CACNA2D4: variants seen among roughly 807,000 people sequenced by gnomAD.
The protein encoded by CACNA2D4 is voltage-dependent calcium channel subunit alpha-2/delta-4.
A neutral mutation model predicts 163.8 loss-of-function variants in CACNA2D4; 157 were observed. The observed-to-expected ratio is 0.96, with a 90% CI of 0.84 to 1.09. The LOEUF is 1.09. Among genes scored for constraint, CACNA2D4 ranks in the 50% least tolerant of loss-of-function variants. The pLI, the probability that CACNA2D4 is intolerant of heterozygous loss-of-function variation, is 0.00. For synonymous variants in CACNA2D4, 598 were observed against 586.9 expected (o/e 1.02, Z -0.27); for missense variants, 1,410 against 1,479.9 (o/e 0.95, Z 0.78).
Position 1,800,966 on chromosome 12 carries a change from G to A in CACNA2D4, c.2868+77C>T, listed in dbSNP as rs940895624. 33 of 1,370,794 alleles carry A rather than the reference G, an allele frequency of 2.4e-5. 1 individual carries two copies. In the East Asian group the frequency reaches 7.1e-4, roughly 29 times the overall value. 84.9% of individuals were successfully genotyped at this position (1,370,794 alleles called of 1,614,324 possible). A position where few individuals can be genotyped will look rare whatever the true frequency, so the allele number is the denominator to read the frequency against. On this transcript the variant is annotated intron_variant, in intron 31 of 37. Coordinates refer to ENST00000382722, the MANE Select transcript of CACNA2D4 (RefSeq NM_172364.5). ...GACACCCAAGGTGGGTGAGAACAGG[G>A]ACCAGTGACCTCATTCCAGGACAGG...
rs1327539949 is a variant in CACNA2D4, at chr12:1,883,250, G to A, written c.1352-250C>T. On this transcript the variant is annotated intron_variant, in intron 12 of 37. Transcript: ENST00000382722. This position sits in a 1 kb window ranked among gnomAD's most constrained non-coding sequence, Gnocchi z 4.5. ...GAGGGGCTGTCCCACCCAGAGCTCC[G>A]GAAGGAGCAGCAGGGCCTGACGCAA... 6.6e-6 allele frequency among the ~76,000 whole-genome samples: 1 copy of A among 152,190 alleles called. No homozygotes were observed. The highest frequency in any genetic ancestry group is 2.4e-5 in the African/African-American group (1 of 41,446).
chr12:1,827,211 G>A (rs1031283673), intron 26 of CACNA2D4, among the ~76,000 whole-genome samples: 14 of 152,144 alleles, frequency 9.2e-5, no homozygotes, highest in African/African-American at 2.7e-4. Context: ...CTGGCAGCCT[G>A]GGCCTCCCAT....
At position 1,909,938 on chromosome 12, in the gene CACNA2D4, C is replaced by T. The variant is rs755538838; in HGVS notation, c.454G>A (p.Asp152Asn). ...QNLVEAAEEA[D>N]LNHEFNESLV... ...GATTCATTGAATTCGTGGTTCAGGTCGGCCTCCTCGGCAGCTTCCACCAGA... is the reference window on the plus strand; with the variant it reads ...GATTCATTGAATTCGTGGTTCAGGTTGGCCTCCTCGGCAGCTTCCACCAGA... The change falls in exon 4 of 38, where the codon GAC (aspartate) becomes AAC (asparagine). Residue 152 changes from aspartate to asparagine, a missense_variant. Physicochemically the swap from Asp to Asn is conservative, Grantham distance 23. Coordinates refer to ENST00000382722, the MANE Select transcript of CACNA2D4 (RefSeq NM_172364.5). 16 of 1,613,628 alleles carry T rather than the reference C, an allele frequency of 9.9e-6. No individual in the cohort carries two copies. Among genetic ancestry groups the T allele is most frequent in the South Asian group, 2.2e-5 (2 of 91,034 alleles).
At position 1,878,314 on chromosome 12, in the gene CACNA2D4, C is replaced by G; in HGVS notation, c.1719+1G>C. On this transcript the variant is annotated splice_donor_variant, in intron 16 of 37. Coordinates refer to ENST00000382722, the MANE Select transcript of CACNA2D4 (RefSeq NM_172364.5). LOFTEE classifies it high-confidence loss of function. The surrounding 1 kb of genome is among the most constrained non-coding windows in gnomAD (Gnocchi z 4.6). Reference sequence around the variant, plus strand: ...CCAAGGCAAAGAAGATCTGTACCTACCAGGGGCCGGAGGTCGGGATGGGAG... The same window carrying G: ...CCAAGGCAAAGAAGATCTGTACCTAGCAGGGGCCGGAGGTCGGGATGGGAG... 6.2e-7 allele frequency: 1 copy of G among 1,608,072 alleles called. No homozygotes were observed. The highest frequency in any genetic ancestry group is 8.5e-7 in the Non-Finnish European group (1 of 1,177,418).
In CACNA2D4 at chr12:1,854,034, C is replaced by A. The variant is rs776592012; in HGVS notation, c.2163G>T (p.Glu721Asp). 1.2e-6 allele frequency: 2 copies of A among 1,609,828 alleles called. No homozygotes were observed. Among genetic ancestry groups the A allele is most frequent in the Non-Finnish European group, 1.7e-6 (2 of 1,177,654 alleles). ...RKDPDLECDE[E>D]LVREVLFDAV... ...CGTCAAACAGCACCTCCCGGACCAGCTCCTCGTCACCTGGGTGCAAAACAT... is the reference window on the plus strand; with the variant it reads ...CGTCAAACAGCACCTCCCGGACCAGATCCTCGTCACCTGGGTGCAAAACAT... Residue 721 changes from glutamate (E) to aspartate (D), a missense_variant, in exon 23 of 38, where the codon GAG (glutamate) becomes GAT (aspartate). Transcript: ENST00000382722.
At position 1,883,548 on chromosome 12, in the gene CACNA2D4, C is replaced by T. The variant is rs966046578; in HGVS notation, c.1352-548G>A. 1.1e-4 allele frequency among the ~76,000 whole-genome samples: 17 copies of T among 152,082 alleles called. No homozygotes were observed. The South Asian group carries it at 1.9e-3, about 17-fold the overall frequency. ...CAGAAGGCTGTGAATGGCCTCTCCA[C>T]GCCCCCACCTCCCACCGTGTTCATC... On this transcript the variant is annotated intron_variant, in intron 12 of 37. Transcript: ENST00000382722. This position sits in a 1 kb window ranked among gnomAD's most constrained non-coding sequence, Gnocchi z 4.5.
chr12:1,907,469 C>T lies in CACNA2D4; in HGVS notation c.752G>A (p.Ser251Asn). The T allele has an allele frequency of 6.2e-7, 1 of 1,613,994 alleles. No individual in the cohort carries two copies. The highest frequency in any genetic ancestry group is 1.1e-5 in the South Asian group (1 of 91,074). Reference protein sequence around the residue: ...DPTLTWQYFGSATGFFRIYPG... With the variant: ...DPTLTWQYFGNATGFFRIYPG... Reference sequence around the variant, plus strand: ...ATAGATCCTGAAGAATCCAGTTGCACTGCCAAAATATTGCCAGGTCAACGT... The same window carrying T: ...ATAGATCCTGAAGAATCCAGTTGCATTGCCAAAATATTGCCAGGTCAACGT... The change falls in exon 6 of 38, where the codon AGT (serine) becomes AAT (asparagine). Residue 251 changes from serine to asparagine, a missense_variant. Ser to Asn is a conservative substitution (Grantham distance 46, BLOSUM62 1). Coordinates refer to ENST00000382722, the MANE Select transcript of CACNA2D4 (RefSeq NM_172364.5).
chr12:1,903,964 C>T (rs1866597295), intron 6 of CACNA2D4, among the ~76,000 whole-genome samples: 1 of 152,028 alleles, frequency 6.6e-6, no homozygotes, highest in African/African-American at 2.4e-5. Flanking sequence ...GATTTGTAAA[C>T]AATCTAAATG....
chr12:1,846,748 G>A (rs1345105447), intron 23 of CACNA2D4, 59 bp from the exon 24 acceptor site: 54 of 1,385,460 alleles, frequency 3.9e-5, no homozygotes, highest in African/African-American at 7.1e-5. Context: ...GCTTGGGGGC[G>A]ACCTGCAGGG....
intron 14 of CACNA2D4, among the ~76,000 whole-genome samples, chr12:1,879,314 C>A (rs947780666): frequency 6.6e-6 from 1 of 152,084 alleles, no homozygotes; most frequent in Admixed American, 6.5e-5. Context: ...TTAATCTTCA[C>A]GGCACAGGGC....
intron 24 of CACNA2D4, among the ~76,000 whole-genome samples, chr12:1,845,312 A>G (rs1450661855): frequency 7.1e-6 from 1 of 140,570 alleles, no homozygotes; most frequent in Non-Finnish European, 1.5e-5. Context: ...CAGTCTTAGA[A>G]GCCTCTGAGA....
chr12:1,848,458 A>G (rs1865202175), intron 23 of CACNA2D4, among the ~76,000 whole-genome samples: 1 of 152,208 alleles, frequency 6.6e-6, no homozygotes, highest in Admixed American at 6.5e-5. Flanking sequence ...GCTGTTCTTC[A>G]CAAGAGGCAC....
At chr12:1,889,621 C>G (rs1347654274) in intron 6 of CACNA2D4, among the ~76,000 whole-genome samples, 1 of 151,948 alleles carries the variant, frequency 6.6e-6, no homozygotes, top group Non-Finnish European at 1.5e-5. Context: ...AACCAAGTTC[C>G]CAGCTTAATT....
chr12:1,867,705 T>A (rs758305385), intron 18 of CACNA2D4, among the ~76,000 whole-genome samples: 35 of 152,058 alleles, frequency 2.3e-4, no homozygotes, highest in Admixed American at 8.5e-4. Context: ...TGCAAATATT[T>A]TATAATATCC....
In CACNA2D4 at chr12:1,820,487, TGG is replaced by T. The variant is rs1309148667; in HGVS notation, c.2552-8766_2552-8765del. 6.6e-6 allele frequency: 1 copy of T among 152,368 alleles called. No homozygotes were observed. The highest frequency in any genetic ancestry group is 2.4e-5 in the African/African-American group (1 of 41,474). 9.4% of individuals were successfully genotyped at this position (152,368 alleles called of 1,614,324 possible). ...CCAGCTGTCACTCCCCGCTCCACTC[TGG>T]CTCGCTGCTCGCGCACACGCGTGCG... On this transcript the variant is annotated intron_variant, in intron 26 of 37. Coordinates refer to ENST00000382722, the MANE Select transcript of CACNA2D4 (RefSeq NM_172364.5). The surrounding 1 kb of genome is among the most constrained non-coding windows in gnomAD (Gnocchi z 6.0).
chr12:1,855,395 A>C (rs1302737242), intron 22 of CACNA2D4, among the ~76,000 whole-genome samples: 1 of 152,194 alleles, frequency 6.6e-6, no homozygotes, highest in African/African-American at 2.4e-5. Flanking sequence ...AAGAGGAAGA[A>C]GGAGGAGCAA....
intron 29 of CACNA2D4, among the ~76,000 whole-genome samples, chr12:1,804,120 ACTGT>A (rs1468709580): frequency 3.8e-4 from 45 of 117,292 alleles, no homozygotes; most frequent in Non-Finnish European, 8.0e-4. Context: ...TATTCTAGTT[ACTGT>A]GTGTGTGTGT....
At chr12:1,853,168 C>T (rs534238341) in intron 23 of CACNA2D4, among the ~76,000 whole-genome samples, 4 of 152,018 alleles carry the variant, frequency 2.6e-5, no homozygotes, top group African/African-American at 7.2e-5. Flanking sequence ...AGTAGCCTTG[C>T]GTAGACAGTA....
intron 6 of CACNA2D4, among the ~76,000 whole-genome samples, chr12:1,890,519 G>A (rs943996136): frequency 2.0e-5 from 3 of 152,184 alleles, no homozygotes; most frequent in African/African-American, 7.2e-5. Context: ...TGCACTGTGG[G>A]CTGCTGCCAA....
Sources: gnomAD v4.1 joint callset for allele counts (sites outside exome capture counted in the v4.1 genomes callset) on GRCh38, gnomAD v4.1.1 for gene constraint, Gnocchi (gnomAD v3.1) non-coding constraint, MANE v1.5 for transcripts, NCBI Gene and HGNC (gene_info 2026-07-23, HGNC 2026-07-21) for gene names.